Variants in TYK2 observed in about 807,000 individuals in gnomAD.
TYK2 encodes the protein tyrosine kinase 2, also known as non-receptor tyrosine-protein kinase TYK2.
In TYK2, 65 loss-of-function variants were observed where a neutral mutation model predicts 130.9. The ratio of observed to expected loss-of-function variants is 0.50; its 90% CI spans 0.41 to 0.61. The LOEUF (loss-of-function observed/expected upper bound fraction) is 0.61. TYK2 is among the 20% of genes least tolerant of loss of function. The pLI, the probability that TYK2 is intolerant of heterozygous loss-of-function variation, is 0.00. For missense variants in TYK2, 1,378 were observed against 1,610.7 expected (o/e 0.86, Z 2.47); for synonymous variants, 647 against 658.9 (o/e 0.98, Z 0.28).
intron 5 of TYK2, among the ~76,000 whole-genome samples, chr19:10,367,044 C>CAA (rs780433495): frequency 2.0e-4 from 25 of 123,168 alleles, no homozygotes; most frequent in Admixed American, 7.4e-4. Flanking sequence ...AACTCTGTCT[C>CAA]AAAAAAAAAA....
Position 10,352,429 on chromosome 19 carries a change from C to G in TYK2, c.3318+5G>C. 1 of 1,599,762 alleles carries G rather than the reference C, an allele frequency of 6.3e-7. No individual in the cohort carries two copies. The highest frequency in any genetic ancestry group is 1.3e-5 in the African/African-American group (1 of 74,766). On this transcript the variant is annotated splice_donor_5th_base_variant and intron_variant, in intron 23 of 24. Coordinates refer to ENST00000525621, the MANE Select transcript of TYK2 (RefSeq NM_003331.5). The stretch of plus-strand genomic sequence containing the variant: ...TCCCGGTGGGGCTGCGGGCCTGGCT[C>G]TCACCGTGGGGGGGCTCTGGCTGGA...
chr19:10,366,290 G>C, intron 6 of TYK2, 127 bp downstream of exon 6: 2 of 984,718 alleles, frequency 2.0e-6, no homozygotes, highest in Non-Finnish European at 3.0e-6. Flanking sequence ...CTAGGTGACA[G>C]AGAGAGACTC....
chr19:10,358,211 A>T, intron 15 of TYK2, 73 bp from the exon 16 acceptor site: 1 of 1,458,092 alleles, frequency 6.9e-7, no homozygotes, highest in Non-Finnish European at 9.3e-7. Flanking sequence ...TGGTCCCCAT[A>T]GGGACAGCCA....
rs560183371 is a variant in TYK2 at position 10,378,429 on chromosome 19, G to A, written c.-20-3C>T. The A allele has an allele frequency of 3.1e-6, 5 of 1,603,566 alleles. No individual in the cohort carries two copies. In the African/African-American group the frequency reaches 5.3e-5, roughly 17 times the overall value. ...CATGCTCCCGGCAGGTGGCTCAGCT[G>A]GAAAGGGGACAATCTGTCAGCTCCC... On this transcript the variant is annotated splice_region_variant and splice_polypyrimidine_tract_variant and intron_variant, in intron 2 of 24. Transcript: ENST00000525621.
rs1452881598 is a variant in TYK2, at chr19:10,372,493, T to A, written c.194-4075A>T. ...ATATATATATATATATATTTTTTTTTTTTTTTTTTTTTTTGAGACAGCATC... is the reference window on the plus strand; with the variant it reads ...ATATATATATATATATATTTTTTTTATTTTTTTTTTTTTTGAGACAGCATC... On this transcript the variant is annotated intron_variant, in intron 3 of 24. Coordinates refer to ENST00000525621, the MANE Select transcript of TYK2 (RefSeq NM_003331.5). Among the ~76,000 whole-genome samples, 6 of 109,016 alleles carry A rather than the reference T, an allele frequency of 5.5e-5. 1 individual carries two copies. The highest frequency in any genetic ancestry group is 2.7e-4 in the Admixed American group (3 of 11,020). The allele number at this position is 109,016 out of a possible 152,430, so 71.5% of individuals were successfully genotyped here.
At position 10,353,578 on chromosome 19, in the gene TYK2, G is replaced by A. The variant is rs201397594; in HGVS notation, c.2977C>T (p.His993Tyr). Residue 993 changes from histidine (H) to tyrosine (Y), a missense_variant, in exon 21 of 25, where the codon CAC becomes TAC. By Grantham distance (83) the His-to-Tyr change is moderately conservative. Transcript: ENST00000525621. This position sits in a 1 kb window ranked among gnomAD's most constrained non-coding sequence, Gnocchi z 6.9. Reference sequence around the variant, plus strand: ...AGCAGCTGGGCCAGCCCGATGCTGTGCCGGGGCAGGTAGTCTCGGAGGCTG... The same window carrying A: ...AGCAGCTGGGCCAGCCCGATGCTGTACCGGGGCAGGTAGTCTCGGAGGCTG... Reference protein sequence around the residue: ...LGSLRDYLPRHSIGLAQLLLF... With the variant: ...LGSLRDYLPRYSIGLAQLLLF... 63 of 1,494,640 alleles carry A rather than the reference G, an allele frequency of 4.2e-5. No individual in the cohort carries two copies. The East Asian group carries it at 1.1e-3, about 27-fold the overall frequency. The allele number at this position is 1,494,640 out of a possible 1,614,324, so 92.6% of individuals were successfully genotyped here.
chr19:10,377,324 GTGGA>G (rs59020787), intron 3 of TYK2, among the ~76,000 whole-genome samples: 23,059 of 135,214 alleles, frequency 0.17, 2,747 homozygotes, highest in African/African-American at 0.35. Context: ...GAATGAACGG[GTGGA>G]TGGATGGATG....
At chr19:10,372,947 T>G (rs1324222066) in intron 3 of TYK2, among the ~76,000 whole-genome samples, 3 of 152,062 alleles carry the variant, frequency 2.0e-5, no homozygotes, top group African/African-American at 7.2e-5. Flanking sequence ...CACCGCAACT[T>G]CTGCCTTTCA....
intron 5 of TYK2, 31 bp downstream of exon 5, chr19:10,368,024 A>T (rs758666723): frequency 9.9e-6 from 16 of 1,613,606 alleles, no homozygotes; most frequent in African/African-American, 1.3e-5. Flanking sequence ...GTCTCCCACA[A>T]ATAGTCTTGC....
rs267605273 is a variant in TYK2, at chr19:10,368,121, G to A, written c.399C>T (p.Ser133=). 4 of 1,614,076 alleles carry A rather than the reference G, an allele frequency of 2.5e-6. No individual in the cohort carries two copies. Among genetic ancestry groups the A allele is most frequent in the Non-Finnish European group, 3.4e-6 (4 of 1,180,026 alleles). ...GCATCCCCTGTGCTGTCTGATCTGA[G>A]GATGCCTCGGTTCCTGGGGGCCCAC... The part of the protein sequence containing the change: ...YRCGPPGTEA[S]SDQTAQGMQL... Residue 133 remains serine, a synonymous_variant, in exon 5 of 25, where the codon TCC becomes TCT. Transcript: ENST00000525621.
chr19:10,367,462 T>C (rs1043810226), intron 5 of TYK2, among the ~76,000 whole-genome samples: 9 of 151,982 alleles, frequency 5.9e-5, no homozygotes, highest in African/African-American at 1.5e-4. Context: ...CCGTCTTTAC[T>C]AAAAATAGAA....
chr19:10,361,500 G>A lies in TYK2; in HGVS notation c.2047+11C>T, dbSNP rs374774176. ...TGCCAAAGGGGGATGGGTATGGCGG[G>A]ACCCACTCACTTTCAGGGCCGCGCA... On this transcript the variant is annotated intron_variant, in intron 14 of 24. Coordinates refer to ENST00000525621, the MANE Select transcript of TYK2 (RefSeq NM_003331.5). The surrounding 1 kb of genome is among the most constrained non-coding windows in gnomAD (Gnocchi z 4.0). The A allele has an allele frequency of 1.5e-4, 232 of 1,545,172 alleles. No individual in the cohort carries two copies. Among genetic ancestry groups the A allele is most frequent in the Non-Finnish European group, 2.0e-4 (227 of 1,146,782 alleles).
rs754876046 is a variant in TYK2 at position 10,359,166 on chromosome 19, G to T, written c.2175+9C>A. ...TGACCGACCCAGGCCCCACACACAG[G>T]CCACACACCAGGTAGCTGAGGGCGC... On this transcript the variant is annotated intron_variant, in intron 15 of 24. Transcript: ENST00000525621. 2 of 1,601,120 alleles carry T rather than the reference G, an allele frequency of 1.2e-6. No individual in the cohort carries two copies. Among genetic ancestry groups the T allele is most frequent in the Admixed American group, 3.3e-5 (2 of 59,876 alleles).
rs763006605 is a variant in TYK2 at position 10,357,774 on chromosome 19, C to T, written c.2456G>A (p.Ser819Asn). Residue 819 changes from serine to asparagine, a missense_variant, in exon 17 of 25, where the codon AGT (serine) becomes AAT (asparagine). By Grantham distance (46) the Ser-to-Asn change is conservative. Coordinates refer to ENST00000525621, the MANE Select transcript of TYK2 (RefSeq NM_003331.5). ...FDGEAPLQSRSPSEKEHFYQR... is the reference protein window; with the variant it reads ...FDGEAPLQSRNPSEKEHFYQR... ...GTCTCCTAGACATACCTCGGAGGGA[C>T]TGCGGCTCTGCAGAGGGGCCTCTCC... 2.2e-5 allele frequency: 36 copies of T among 1,610,542 alleles called. No individual in the cohort carries two copies. Among genetic ancestry groups the T allele is most frequent in the Non-Finnish European group, 5.1e-6 (6 of 1,178,728 alleles).
chr19:10,377,386 AGGTGGGTG>A (rs762043167), intron 3 of TYK2, among the ~76,000 whole-genome samples: 106 of 74,650 alleles, frequency 1.4e-3, no homozygotes, highest in African/African-American at 3.0e-3. Context: ...ATGGATGAAT[AGGTGGGTG>A]GGTGGGTGGA....
At position 10,353,661 on chromosome 19, in the gene TYK2, G is replaced by A. The variant is rs375387600; in HGVS notation, c.2909-15C>T. 10 of 1,470,118 alleles carry A rather than the reference G, an allele frequency of 6.8e-6. No individual in the cohort carries two copies. In the East Asian group the frequency reaches 2.1e-4, roughly 31 times the overall value. The allele number at this position is 1,470,118 out of a possible 1,614,324, so 91.1% of individuals were successfully genotyped here. On this transcript the variant is annotated splice_polypyrimidine_tract_variant and intron_variant, in intron 20 of 24. Transcript: ENST00000525621. This position sits in a 1 kb window ranked among gnomAD's most constrained non-coding sequence, Gnocchi z 6.9. ...CGACTTCTCGCCTGCCGCGGAGAGG[G>A]GCGGCCCCGGTGGGGGACGATAGAG... is the stretch of plus-strand genomic sequence containing the variant.
At chr19:10,368,550 G>T (rs12720252) in intron 3 of TYK2, 132 bp from the exon 4 acceptor site, 2 of 1,376,552 alleles carry the variant, frequency 1.5e-6, no homozygotes, top group South Asian at 2.5e-5. Flanking sequence ...TCAGTCTCAC[G>T]TTGCCCCTGG....
At chr19:10,352,809 GGCCCCGCCGCGCTTCACTGGGATCAT>G in intron 22 of TYK2, 91 bp downstream of exon 22, 1 of 1,354,256 alleles carries the variant, frequency 7.4e-7, no homozygotes, top group Non-Finnish European at 1.0e-6. Flanking sequence ...CGCACCGCTA[GGCCCCGCCGCGCTTCACTGGGATCAT>G]GCCCTATCAT....
At chr19:10,356,935 G>C (rs914114267) in intron 17 of TYK2, 12 of 598,390 alleles carry the variant, frequency 2.0e-5, no homozygotes, top group Non-Finnish European at 6.0e-6. Flanking sequence ...TGCAGAGCTG[G>C]AGTGTCACAG....
Sources: gnomAD v4.1 joint callset for allele counts (sites outside exome capture counted in the v4.1 genomes callset) on GRCh38, gnomAD v4.1.1 for gene constraint, Gnocchi (gnomAD v3.1) non-coding constraint, MANE v1.5 for transcripts, NCBI Gene and HGNC (gene_info 2026-07-23, HGNC 2026-07-21) for gene names.